CEP41: variants seen among roughly 807,000 people sequenced by gnomAD.
CEP41 encodes centrosomal protein 41.
In CEP41, 32 loss-of-function variants were observed where a neutral mutation model predicts 44.3. That is an observed-to-expected ratio of 0.72 (90% CI 0.54 to 0.97). The LOEUF (loss-of-function observed/expected upper bound fraction) is 0.97. CEP41 is among the 50% of genes least tolerant of loss of function. The pLI, the probability that CEP41 is intolerant of heterozygous loss-of-function variation, is 0.00. For synonymous variants in CEP41, 151 were observed against 168.5 expected (o/e 0.90, Z 0.80); for missense variants, 432 against 455.2 (o/e 0.95, Z 0.46).
At chr7:130,405,008 A>G (rs2117576247) in intron 5 of CEP41, among the ~76,000 whole-genome samples, 1 of 152,334 alleles carries the variant, frequency 6.6e-6, no homozygotes, top group East Asian at 1.9e-4. Context: ...CTTAGTAAGA[A>G]TCAGGGCTGT....
chr7:130,405,688 A>G (rs1161798739), intron 5 of CEP41, among the ~76,000 whole-genome samples: 1 of 152,218 alleles, frequency 6.6e-6, no homozygotes, highest in Non-Finnish European at 1.5e-5. Flanking sequence ...ACAATCATGC[A>G]TGGGTAAAAG....
intron 3 of CEP41, among the ~76,000 whole-genome samples, chr7:130,416,070 T>C (rs1421811314): frequency 2.0e-5 from 3 of 152,248 alleles, no homozygotes; most frequent in African/African-American, 7.2e-5. Context: ...ATAAAAGGTC[T>C]GCTGTGTAAA....
At chr7:130,441,138 A>G (rs1371886317), upstream of CEP41, 3 of 742,808 alleles carry the variant, frequency 4.0e-6, no homozygotes, top group African/African-American at 3.4e-5. Context: ...TCAGGGTCGC[A>G]GAAGGGCAAG....
chr7:130,419,789 G>A (rs1454567123), intron 2 of CEP41: 7 of 985,074 alleles, frequency 7.1e-6, no homozygotes, highest in East Asian at 1.1e-4. Flanking sequence ...ATTCTCTAAC[G>A]TATCACCTTG....
At position 130,397,986 on chromosome 7, in the gene CEP41, C is replaced by T. The variant is rs1554415551; in HGVS notation, c.*905G>A. 2.2e-6 allele frequency: 1 copy of T among 454,498 alleles called. No individual in the cohort carries two copies. The highest frequency in any genetic ancestry group is 2.0e-5 in the African/African-American group (1 of 50,132). 28.2% of individuals were successfully genotyped at this position (454,498 alleles called of 1,614,324 possible). ...CAAAGGACTTCGGAGTCCTCTTCAC[C>T]TTGTGTGTCCACAGTTGTCCAACCA... is the stretch of plus-strand genomic sequence containing the variant. On this transcript the variant is annotated 3_prime_UTR_variant, in exon 11 of 11. Coordinates refer to ENST00000223208, the MANE Select transcript of CEP41 (RefSeq NM_018718.3).
At position 130,394,436 on chromosome 7, in the gene CEP41, T is replaced by C. The variant is rs1554413708; in HGVS notation, c.*4455A>G. ...AACATTGGCTAGTATTATTATTTTC[T>C]GGAAATCTTCAAGATTTGAAACAAA... On this transcript the variant is annotated 3_prime_UTR_variant, in exon 11 of 11. Transcript: ENST00000223208. The C allele has an allele frequency of 4.4e-6, 2 of 454,040 alleles. No homozygotes were observed. The highest frequency in any genetic ancestry group is 4.7e-5 in the Admixed American group (2 of 42,560). 28.1% of individuals were successfully genotyped at this position (454,040 alleles called of 1,614,324 possible). A position where few individuals can be genotyped will look rare whatever the true frequency, so the allele number is the denominator to read the frequency against.
intron 2 of CEP41, chr7:130,419,760 G>A: frequency 1.0e-6 from 1 of 985,216 alleles, no homozygotes; most frequent in Non-Finnish European, 1.2e-6. Flanking sequence ...TACTTAACTT[G>A]ACAAACTCTT....
At chr7:130,410,330 C>T (rs1464607652) in intron 5 of CEP41, among the ~76,000 whole-genome samples, 6 of 152,022 alleles carry the variant, frequency 3.9e-5, no homozygotes, top group African/African-American at 1.4e-4. Flanking sequence ...CGTGAGGCAC[C>T]GTGCCTGGCC....
chr7:130,433,237 G>C (rs782799401), intron 1 of CEP41, among the ~76,000 whole-genome samples: 2 of 152,004 alleles, frequency 1.3e-5, no homozygotes, highest in Non-Finnish European at 2.9e-5. Context: ...TATGAGAGGC[G>C]AAGGAGGAAA....
intron 1 of CEP41, 125 bp downstream of exon 1, chr7:130,440,809 C>G (rs1584916167): frequency 2.1e-6 from 2 of 963,222 alleles, no homozygotes; most frequent in African/African-American, 3.2e-5. Context: ...ATCCCGACCC[C>G]TCCTCACGCC....
chr7:130,437,393 G>A (rs1025117418), intron 1 of CEP41, among the ~76,000 whole-genome samples: 2 of 151,002 alleles, frequency 1.3e-5, no homozygotes, highest in African/African-American at 4.9e-5. Context: ...CAAGCTTCCT[G>A]AGAGGAAAAT....
chr7:130,429,204 C>G (rs934464953), intron 1 of CEP41, among the ~76,000 whole-genome samples: 1 of 152,310 alleles, frequency 6.6e-6, no homozygotes, highest in South Asian at 2.1e-4. Context: ...AGGCCAGGCC[C>G]CAGGTGGGCA....
intron 5 of CEP41, among the ~76,000 whole-genome samples, chr7:130,409,841 T>G (rs925941154): frequency 6.6e-6 from 1 of 152,122 alleles, no homozygotes; most frequent in African/African-American, 2.4e-5. Flanking sequence ...CAGCGCCTAC[T>G]CGTCCCTTAG....
In CEP41 at chr7:130,398,748, G is replaced by A. The variant is rs191638989; in HGVS notation, c.*143C>T. 21 of 1,009,914 alleles carry A rather than the reference G, an allele frequency of 2.1e-5. No homozygotes were observed. Among genetic ancestry groups the A allele is most frequent in the Non-Finnish European group, 3.1e-5 (20 of 641,714 alleles). 62.6% of individuals were successfully genotyped at this position (1,009,914 alleles called of 1,614,324 possible). A position where few individuals can be genotyped will look rare whatever the true frequency, so the allele number is the denominator to read the frequency against. On this transcript the variant is annotated 3_prime_UTR_variant, in exon 11 of 11. Coordinates refer to ENST00000223208, the MANE Select transcript of CEP41 (RefSeq NM_018718.3). Reference sequence around the variant, plus strand: ...GCCTCCTGAGGGGAGAGGAACTGGAGACAGGGACAGGGAAGAGGCCTATCC... The same window carrying A: ...GCCTCCTGAGGGGAGAGGAACTGGAAACAGGGACAGGGAAGAGGCCTATCC...
chr7:130,394,411 A>G lies in CEP41; in HGVS notation c.*4480T>C, dbSNP rs782687708. 4 of 454,126 alleles carry G rather than the reference A, an allele frequency of 8.8e-6. No homozygotes were observed. The highest frequency in any genetic ancestry group is 1.3e-5 in the Non-Finnish European group (3 of 226,796). The allele number at this position is 454,126 out of a possible 1,614,324, so 28.1% of individuals were successfully genotyped here. ...CTAGGAGCAAAGTAAGCTCTCCACA[A>G]ACATTGGCTAGTATTATTATTTTCT... On this transcript the variant is annotated 3_prime_UTR_variant, in exon 11 of 11. Transcript: ENST00000223208.
At chr7:130,429,029 G>A (rs961479233) in intron 1 of CEP41, among the ~76,000 whole-genome samples, 3 of 152,124 alleles carry the variant, frequency 2.0e-5, no homozygotes, top group African/African-American at 7.2e-5. Context: ...ATCTGCCTCT[G>A]CCTCAAGAAA....
chr7:130,417,071 G>C (rs1797359944), intron 2 of CEP41, 105 bp from the exon 3 acceptor site: 2 of 1,351,674 alleles, frequency 1.5e-6, no homozygotes, highest in Non-Finnish European at 2.1e-6. Context: ...TTCCTATCCT[G>C]TTCTTAGGGG....
chr7:130,413,909 A>G (rs1797259631), intron 3 of CEP41, among the ~76,000 whole-genome samples: 1 of 152,100 alleles, frequency 6.6e-6, no homozygotes, highest in African/African-American at 2.4e-5. Flanking sequence ...CTGCCTCATT[A>G]TTTCAGAATT....
intron 3 of CEP41, 109 bp from the exon 4 acceptor site, chr7:130,412,349 A>G (rs1797208637): frequency 7.3e-6 from 5 of 682,704 alleles, no homozygotes; most frequent in Middle Eastern, 4.0e-4. Context: ...TTTTACATCT[A>G]TTATCTCATT....
Sources: allele counts gnomAD v4.1 joint callset (sites outside exome capture counted in the v4.1 genomes callset), GRCh38; gene constraint gnomAD v4.1.1; transcripts MANE v1.5; gene names NCBI Gene and HGNC (gene_info 2026-07-23, HGNC 2026-07-21).